The following SORCS3 variants were observed in gnomAD, a reference collection of about 807,000 sequenced individuals.
SORCS3 encodes the protein VPS10 domain-containing receptor SorCS3.
SORCS3 carries 57 observed loss-of-function variants against 146.3 expected under a neutral mutation model. The ratio of observed to expected loss-of-function variants is 0.39; its 90% CI spans 0.31 to 0.49. The LOEUF (loss-of-function observed/expected upper bound fraction) is 0.49. SORCS3 is among the 20% of genes least tolerant of loss of function. The probability of loss-of-function intolerance (pLI) is 0.92; values close to 1 mark genes in which losing one functional copy is unlikely to be tolerated. For synonymous variants in SORCS3, 653 were observed against 618.5 expected (o/e 1.06, Z -0.83); for missense variants, 1,341 against 1,575.5 (o/e 0.85, Z 2.52).
At chr10:104,744,378 A>G (rs940945960) in intron 1 of SORCS3, among the ~76,000 whole-genome samples, 2 of 152,144 alleles carry the variant, frequency 1.3e-5, no homozygotes, top group African/African-American at 4.8e-5. Context: ...TCCAGTTGTA[A>G]TAGTAATTTT....
chr10:105,090,955 G>T (rs2055697680), intron 6 of SORCS3, among the ~76,000 whole-genome samples: 1 of 152,192 alleles, frequency 6.6e-6, no homozygotes, highest in South Asian at 2.1e-4. Context: ...AACCGTAGAT[G>T]CATGCCAGAA....
intron 13 of SORCS3, 96 bp from the exon 14 acceptor site, chr10:105,177,970 A>C (rs1358871493): frequency 1.2e-6 from 1 of 849,756 alleles, no homozygotes; most frequent in Non-Finnish European, 1.9e-6. Flanking sequence ...GCCAGAAAGC[A>C]AGATACAGAG....
At chr10:104,794,604 T>TGTGA (rs2017530404) in intron 1 of SORCS3, among the ~76,000 whole-genome samples, 2 of 140,120 alleles carry the variant, frequency 1.4e-5, no homozygotes, top group Non-Finnish European at 3.1e-5. Context: ...TGTGTGTGTG[T>TGTGA]GAGAGAGAGA....
At chr10:105,076,672 A>G (rs1336122457) in intron 5 of SORCS3, among the ~76,000 whole-genome samples, 1 of 151,960 alleles carries the variant, frequency 6.6e-6, no homozygotes, top group South Asian at 2.1e-4. Context: ...TGAAGCCCCA[A>G]CCCTTTGTGG....
chr10:105,169,985 T>C (rs2056346252), intron 13 of SORCS3, among the ~76,000 whole-genome samples: 1 of 152,108 alleles, frequency 6.6e-6, no homozygotes, highest in Admixed American at 6.6e-5. Flanking sequence ...CTCTCCTTGA[T>C]TGTGGTAGGG....
chr10:105,172,416 TTAGA>T (rs2056367697), intron 13 of SORCS3, among the ~76,000 whole-genome samples: 1 of 152,202 alleles, frequency 6.6e-6, no homozygotes, highest in Admixed American at 6.5e-5. Context: ...ACTGTTCTCT[TTAGA>T]AGGGTCACAT....
intron 2 of SORCS3, among the ~76,000 whole-genome samples, chr10:104,856,980 G>T (rs1024084439): frequency 6.7e-6 from 1 of 150,138 alleles, no homozygotes; most frequent in Admixed American, 6.8e-5. Flanking sequence ...ACAAAGGCGT[G>T]TGAGAGAGAG....
chr10:104,724,998 G>C (rs1477752513), intron 1 of SORCS3, among the ~76,000 whole-genome samples: 1 of 152,158 alleles, frequency 6.6e-6, no homozygotes, highest in Admixed American at 6.5e-5. Context: ...TCTCCATCCA[G>C]CTTTGTTCTG....
intron 1 of SORCS3, among the ~76,000 whole-genome samples, chr10:104,671,325 C>CATTTT (rs2015850103): frequency 5.2e-5 from 1 of 19,194 alleles, no homozygotes; most frequent in African/African-American, 1.9e-4. Flanking sequence ...CATTCTTTTC[C>CATTTT]TTTTTTTTTT....
At chr10:104,822,237 G>A in intron 1 of SORCS3, 1 of 363,902 alleles carries the variant, frequency 2.7e-6, no homozygotes. Context: ...GAGGGAGATT[G>A]TTTAGACCAG....
intron 5 of SORCS3, among the ~76,000 whole-genome samples, chr10:105,060,830 G>A (rs2055480800): frequency 1.3e-5 from 2 of 151,862 alleles, no homozygotes; most frequent in Non-Finnish European, 2.9e-5. Context: ...CCAGCTACTC[G>A]GGAGCCTGAG....
At chr10:104,663,999 T>C (rs376481695) in intron 1 of SORCS3, among the ~76,000 whole-genome samples, 2 of 152,156 alleles carry the variant, frequency 1.3e-5, no homozygotes, top group Admixed American at 1.3e-4. Flanking sequence ...AATGACAGGA[T>C]ATATGGGCAC....
At chr10:105,110,719 G>A (rs977540561) in intron 7 of SORCS3, among the ~76,000 whole-genome samples, 13 of 152,008 alleles carry the variant, frequency 8.6e-5, no homozygotes, top group African/African-American at 2.9e-4. Flanking sequence ...TTTTCATTAC[G>A]GATAGAGTTT....
chr10:104,807,970 A>G (rs939563569), intron 1 of SORCS3, among the ~76,000 whole-genome samples: 1 of 152,210 alleles, frequency 6.6e-6, no homozygotes, highest in Non-Finnish European at 1.5e-5. Flanking sequence ...ATTTAAATGT[A>G]TATTATGGTG....
chr10:104,665,267 A>T (rs1466515750), intron 1 of SORCS3: 4 of 152,230 alleles, frequency 2.6e-5, no homozygotes, highest in Non-Finnish European at 5.9e-5. Context: ...AAAAGTACAC[A>T]TGCACTGCAC....
chr10:105,133,655 C>T (rs1254646424), intron 7 of SORCS3, among the ~76,000 whole-genome samples: 4 of 152,084 alleles, frequency 2.6e-5, no homozygotes, highest in Non-Finnish European at 4.4e-5. Context: ...CAAAATATAG[C>T]ACCAGACTAG....
In SORCS3 at chr10:105,205,928, A is replaced by G. The variant is rs115847119; in HGVS notation, c.2261+4675A>G. Among the ~76,000 whole-genome samples, 703 of 152,330 alleles carry G rather than the reference A, an allele frequency of 4.6e-3. 8 individuals are homozygous for G. The highest frequency in any genetic ancestry group is 0.017 in the African/African-American group (687 of 41,588). On this transcript the variant is annotated intron_variant, in intron 16 of 26. Coordinates refer to ENST00000369701, the MANE Select transcript of SORCS3 (RefSeq NM_014978.3). ...TGACTTCAGAGTCCTGAGTCTTAGT[A>G]TGTATTACTGGCTACCTCCATGTCC...
At chr10:104,919,488 C>T (rs746414678) in intron 3 of SORCS3, among the ~76,000 whole-genome samples, 43 of 151,802 alleles carry the variant, frequency 2.8e-4, no homozygotes, top group Non-Finnish European at 5.7e-4. Flanking sequence ...GTCGGGAGTT[C>T]GAGACCAGCC....
chr10:104,875,931 A>G (rs1285420297), intron 2 of SORCS3, among the ~76,000 whole-genome samples: 1 of 152,160 alleles, frequency 6.6e-6, no homozygotes, highest in East Asian at 1.9e-4. Context: ...GGCAAAAGGA[A>G]AATGGCTGTT....
Sources: gnomAD v4.1 joint callset for allele counts (sites outside exome capture counted in the v4.1 genomes callset) on GRCh38, gnomAD v4.1.1 for gene constraint, MANE v1.5 for transcripts, NCBI Gene and HGNC (gene_info 2026-07-23, HGNC 2026-07-21) for gene names.